LMLN: variants seen among roughly 807,000 people sequenced by gnomAD.
The protein encoded by LMLN is leishmanolysin-like peptidase.
A neutral mutation model predicts 92.3 loss-of-function variants in LMLN; 70 were observed. The ratio of observed to expected loss-of-function variants is 0.76; its 90% confidence interval spans 0.63 to 0.92. The LOEUF (loss-of-function observed/expected upper bound fraction) is 0.92, where lower values mean the gene tolerates loss of function less well. Among genes scored for constraint, LMLN ranks in the 40% least tolerant of loss-of-function variants. LMLN has a pLI of 0.00. For synonymous variants in LMLN, 308 were observed against 296.2 expected, an observed-to-expected ratio of 1.04 and a Z score of -0.41; for missense variants, 691 against 814.6, an observed-to-expected ratio of 0.85 and a Z score of 1.85.
chr3:197,976,258 T>TA (rs987634155), intron 4 of LMLN, 147 bp downstream of exon 4: 2 of 533,370 alleles, frequency 3.7e-6, no homozygotes, highest in Non-Finnish European at 6.7e-6. Context: ...TTAAAAAGAA[T>TA]AAAAAAGCAC....
chr3:198,016,089 G>A (rs975042766), intron 11 of LMLN, among the ~76,000 whole-genome samples: 1 of 151,572 alleles, frequency 6.6e-6, no homozygotes. Context: ...CTACTTGGAG[G>A]CTGTGGTGAG....
intron 1 of LMLN, among the ~76,000 whole-genome samples, chr3:197,968,559 A>T (rs1721127910): frequency 6.6e-6 from 1 of 152,130 alleles, no homozygotes; most frequent in Non-Finnish European, 1.5e-5. Flanking sequence ...AGACAGGCAT[A>T]CGAAATTATA....
intron 8 of LMLN, among the ~76,000 whole-genome samples, chr3:197,987,450 C>T (rs1171228406): frequency 1.3e-5 from 2 of 152,138 alleles, no homozygotes; most frequent in African/African-American, 4.8e-5. Flanking sequence ...TGAGCCACCG[C>T]GCCCGGCCAA....
intron 10 of LMLN, among the ~76,000 whole-genome samples, chr3:197,999,016 G>T (rs991973272): frequency 9.2e-5 from 14 of 152,190 alleles, no homozygotes; most frequent in Non-Finnish European, 1.5e-4. Context: ...TCATCACAGA[G>T]TTCTAAATGC....
rs775068454 is a variant in LMLN at position 198,019,212 on chromosome 3, T to C, written c.1233-41T>C. On this transcript the variant is annotated intron_variant, in intron 11 of 15. Coordinates refer to ENST00000330198, the Ensembl canonical transcript of LMLN. The surrounding 1 kb of genome is among the most constrained non-coding windows in gnomAD (Gnocchi z 5.5). ...GCTGTATAATGGACTTGCAGTATTT[T>C]CTTTAAAGTTTGATACCATGGTACT... 1.5e-5 allele frequency: 24 copies of C among 1,568,150 alleles called. No homozygotes were observed. Among genetic ancestry groups the C allele is most frequent in the Non-Finnish European group, 2.1e-5 (24 of 1,159,174 alleles).
chr3:198,039,706 C>T lies in LMLN; in HGVS notation c.*1039C>T, dbSNP rs538421206. 5 of 152,214 alleles carry T rather than the reference C, an allele frequency of 3.3e-5. No homozygotes were observed. In the East Asian group the frequency reaches 5.8e-4, roughly 18 times the overall value. The allele number at this position is 152,214 out of a possible 1,614,324, so 9.4% of individuals were successfully genotyped here. A position where few individuals can be genotyped will look rare whatever the true frequency, so the allele number is the denominator to read the frequency against. ...GTTTCATTAAATCTTATGATTTAAC[C>T]GTGCTTGCCCTTTTTGCCAGCTATG... On this transcript the variant is annotated 3_prime_UTR_variant, in exon 16 of 16. Coordinates refer to ENST00000330198, the Ensembl canonical transcript of LMLN.
intron 2 of LMLN, among the ~76,000 whole-genome samples, 170 bp from the exon 3 acceptor site, chr3:197,974,872 G>C (rs1028014257): frequency 6.6e-6 from 1 of 152,236 alleles, no homozygotes; most frequent in African/African-American, 2.4e-5. Flanking sequence ...CAAATCCATA[G>C]AGTAAAGTGA....
At chr3:197,997,597 A>G (rs1161572338) in intron 10 of LMLN, among the ~76,000 whole-genome samples, 1 of 152,238 alleles carries the variant, frequency 6.6e-6, no homozygotes, top group Non-Finnish European at 1.5e-5. Context: ...ACCGAGCAGC[A>G]CATTATGCAC....
At chr3:198,035,175 T>C (rs905825267) in intron 14 of LMLN, among the ~76,000 whole-genome samples, 1 of 133,182 alleles carries the variant, frequency 7.5e-6, no homozygotes, top group African/African-American at 3.0e-5. Flanking sequence ...TATTCCAGCC[T>C]GGGCAACAGA....
In LMLN at chr3:197,975,511, G is replaced by A. The variant is rs140779942; in HGVS notation, c.348+439G>A. On this transcript the variant is annotated intron_variant, in intron 3 of 15. Coordinates refer to ENST00000330198, the Ensembl canonical transcript of LMLN. ...CATGCACACACACGCGCACGTGCAC[G>A]CACACACATGCGCACATGCACGCAC... is the stretch of plus-strand genomic sequence containing the variant. Among the ~76,000 whole-genome samples, 3 of 147,816 alleles carry A rather than the reference G, an allele frequency of 2.0e-5. No individual in the cohort carries two copies. The East Asian group carries it at 5.8e-4, about 29-fold the overall frequency.
intron 7 of LMLN, among the ~76,000 whole-genome samples, chr3:197,985,316 G>T (rs1721674186): frequency 6.6e-6 from 1 of 151,324 alleles, no homozygotes; most frequent in Admixed American, 6.6e-5. Context: ...AACTTTGGGA[G>T]GATTCTTCTA....
At position 198,031,077 on chromosome 3, in the gene LMLN, A is replaced by T. The variant is rs1723067928; in HGVS notation, c.1657-4756A>T. On this transcript the variant is annotated intron_variant, in intron 14 of 15. Transcript: ENST00000330198. The surrounding 1 kb of genome is among the most constrained non-coding windows in gnomAD (Gnocchi z 4.8). ...TAGGCCTGAGAATGAAATAGGCATA[A>T]GCCCGATGAACAGGAGGAAAACATA... 2.0e-5 allele frequency among the ~76,000 whole-genome samples: 3 copies of T among 152,250 alleles called. No homozygotes were observed. Among genetic ancestry groups the T allele is most frequent in the Admixed American group, 2.0e-4 (3 of 15,288 alleles).
At chr3:197,996,966 G>A (rs187039152) in intron 10 of LMLN, among the ~76,000 whole-genome samples, 232 of 151,782 alleles carry the variant, frequency 1.5e-3, no homozygotes, top group African/African-American at 3.5e-3. Flanking sequence ...CTGTGTGTTC[G>A]TTCGTTTGTT....
intron 11 of LMLN, among the ~76,000 whole-genome samples, chr3:198,009,200 T>C (rs1399195203): frequency 1.3e-5 from 2 of 152,352 alleles, no homozygotes; most frequent in South Asian, 4.1e-4. Context: ...ATTTTCTGCC[T>C]GCTGCATCTG....
rs187607237 is a variant in LMLN at position 197,986,085 on chromosome 3, G to A, written c.929+195G>A. On this transcript the variant is annotated intron_variant, in intron 8 of 15. Coordinates refer to ENST00000330198, the Ensembl canonical transcript of LMLN. Reference sequence around the variant, plus strand: ...ATAACTTGTGAGATGTAAGTGAGGAGGAGAGAGATACCCACACACAAGAAC... The same window carrying A: ...ATAACTTGTGAGATGTAAGTGAGGAAGAGAGAGATACCCACACACAAGAAC... 1.5e-3 allele frequency among the ~76,000 whole-genome samples: 235 copies of A among 152,300 alleles called. 1 individual carries two copies. The highest frequency in any genetic ancestry group is 1.5e-3 in the East Asian group (8 of 5,184).
At chr3:198,009,034 G>T (rs1382249140) in intron 11 of LMLN, among the ~76,000 whole-genome samples, 2 of 151,772 alleles carry the variant, frequency 1.3e-5, no homozygotes, top group African/African-American at 4.8e-5. Context: ...ATTTGTTAAG[G>T]TGTGTTTCAT....
At chr3:197,979,244 T>C (rs191317918) in intron 5 of LMLN, among the ~76,000 whole-genome samples, 3 of 152,340 alleles carry the variant, frequency 2.0e-5, no homozygotes, top group African/African-American at 7.2e-5. Flanking sequence ...GAATTTGTTT[T>C]TTTTCCCTCT....
intron 13 of LMLN, among the ~76,000 whole-genome samples, 155 bp downstream of exon 14, chr3:198,021,760 T>C (rs1279442927): frequency 6.6e-6 from 1 of 152,236 alleles, no homozygotes; most frequent in African/African-American, 2.4e-5. Flanking sequence ...ACTTAACTTT[T>C]CCCTGCCTGT....
intron 1 of LMLN, among the ~76,000 whole-genome samples, chr3:197,965,387 ATATATATTC>A (rs1213311138): frequency 6.6e-6 from 1 of 151,968 alleles, no homozygotes; most frequent in East Asian, 1.9e-4. Context: ...CTTGTGAAGA[ATATATATTC>A]TATAGTTTTT....
Sources: allele counts gnomAD v4.1 joint callset (sites outside exome capture counted in the v4.1 genomes callset), GRCh38; gene constraint gnomAD v4.1.1; non-coding constraint Gnocchi (gnomAD v3.1); transcripts MANE v1.5; gene names NCBI Gene and HGNC (gene_info 2026-07-23, HGNC 2026-07-21).